The following PLXDC2 variants were observed in gnomAD, a reference collection of about 807,000 sequenced individuals.
PLXDC2 encodes the protein plexin domain containing 2, also known as plexin domain-containing protein 2.
PLXDC2 carries 40 observed loss-of-function variants against 68.9 expected under a neutral mutation model. That is an observed-to-expected ratio of 0.58 (90% confidence interval 0.45 to 0.76). PLXDC2 has a LOEUF of 0.76. Among genes scored for constraint, PLXDC2 ranks in the 30% least tolerant of loss-of-function variants. The pLI is 0.00. For missense variants in PLXDC2, 644 were observed against 661.9 expected (o/e 0.97, Z 0.30); for synonymous variants, 243 against 234.2 (o/e 1.04, Z -0.34).
chr10:20,134,096 G>T (rs1422597849), intron 4 of PLXDC2, among the ~76,000 whole-genome samples: 1 of 151,892 alleles, frequency 6.6e-6, no homozygotes, highest in Non-Finnish European at 1.5e-5. Context: ...TAAACTTCTT[G>T]TTTTATTCAT....
chr10:20,194,994 C>G (rs1055665071), intron 9 of PLXDC2, among the ~76,000 whole-genome samples: 1 of 151,814 alleles, frequency 6.6e-6, no homozygotes, highest in African/African-American at 2.4e-5. Flanking sequence ...GCTCATAGTG[C>G]TTACCTGAAA....
rs373824250 is a variant in PLXDC2, at chr10:19,992,012, C to A, written c.113-9763C>A. ...ATTAGCCCAATATAGGAAACAAGAG[C>A]AGTTTGAGATGACTAAAGATGAATA... On this transcript the variant is annotated intron_variant, in intron 1 of 13. Transcript: ENST00000377252. Among the ~76,000 whole-genome samples, 3 of 152,130 alleles carry A rather than the reference C, an allele frequency of 2.0e-5. No homozygotes were observed. The East Asian group carries it at 5.8e-4, about 29-fold the overall frequency.
intron 1 of PLXDC2, among the ~76,000 whole-genome samples, chr10:19,851,473 T>C (rs1233106675): frequency 2.0e-5 from 3 of 152,090 alleles, no homozygotes; most frequent in Non-Finnish European, 2.9e-5. Context: ...GAAGCTGTCT[T>C]TGACGGGGCA....
chr10:20,033,511 A>G lies in PLXDC2; in HGVS notation c.325-13358A>G, dbSNP rs182016062. Among the ~76,000 whole-genome samples the G allele has an allele frequency of 2.0e-5, 3 of 152,324 alleles. No homozygotes were observed. The East Asian group carries it at 5.8e-4, about 29-fold the overall frequency. Reference sequence around the variant, plus strand: ...ACATACCCAAAACTGGGTAATTCATAAAGGAAAGAGTTCCACATGGCTGAG... The same window carrying G: ...ACATACCCAAAACTGGGTAATTCATGAAGGAAAGAGTTCCACATGGCTGAG... On this transcript the variant is annotated intron_variant, in intron 2 of 13. Transcript: ENST00000377252.
At chr10:19,872,381 T>A (rs1210268696) in intron 1 of PLXDC2, among the ~76,000 whole-genome samples, 1 of 152,176 alleles carries the variant, frequency 6.6e-6, no homozygotes. Context: ...TAGGTCAAAA[T>A]TGGCAAATGT....
chr10:20,094,391 A>G (rs540668981), intron 4 of PLXDC2, among the ~76,000 whole-genome samples: 4 of 152,300 alleles, frequency 2.6e-5, no homozygotes, highest in Non-Finnish European at 5.9e-5. Flanking sequence ...AGTTTTCACT[A>G]ATACACAACC....
At chr10:19,924,073 T>A (rs1833502019) in intron 1 of PLXDC2, among the ~76,000 whole-genome samples, 1 of 152,048 alleles carries the variant, frequency 6.6e-6, no homozygotes, top group Non-Finnish European at 1.5e-5. Flanking sequence ...TTCCCGGAAG[T>A]CCCAACCGGC....
chr10:19,980,059 A>G (rs1480217090), intron 1 of PLXDC2, among the ~76,000 whole-genome samples: 1 of 152,256 alleles, frequency 6.6e-6, no homozygotes, highest in Non-Finnish European at 1.5e-5. Context: ...TTTGATTTTC[A>G]TAGAGCCTCT....
At chr10:20,064,434 A>G (rs909930455) in intron 3 of PLXDC2, among the ~76,000 whole-genome samples, 2 of 151,864 alleles carry the variant, frequency 1.3e-5, no homozygotes, top group African/African-American at 4.8e-5. Context: ...GTTAGCCAGG[A>G]TGGTCTCGAT....
intron 1 of PLXDC2, among the ~76,000 whole-genome samples, chr10:19,818,410 A>G (rs1836399111): frequency 6.6e-6 from 1 of 151,988 alleles, no homozygotes; most frequent in Non-Finnish European, 1.5e-5. Flanking sequence ...CTTGAGTGAA[A>G]TTTACCAAGC....
intron 1 of PLXDC2, among the ~76,000 whole-genome samples, chr10:19,825,974 C>T (rs1836561871): frequency 6.6e-6 from 1 of 152,182 alleles, no homozygotes. Context: ...TCTTCTCCTT[C>T]TCCTTTTGCT....
chr10:19,947,707 C>CTTTTTTTTTTTTTTTTTTCTTTTTTT (rs34439585), intron 1 of PLXDC2, among the ~76,000 whole-genome samples: 1 of 120,974 alleles, frequency 8.3e-6, no homozygotes, highest in Non-Finnish European at 1.7e-5. Context: ...TTCTTTCTTT[C>CTTTTTTTTTTTTTTTTTTCTTTTTTT]TTTTTTTTTT....
rs113724217 is a variant in PLXDC2, at chr10:20,203,619, AT to A, written c.1062-8039del. ...AGCCACCGTGCCCAGCCCAATACGA[AT>A]TTTTTTTTTTAAGTGAGATGACAGA... On this transcript the variant is annotated intron_variant, in intron 9 of 13. Transcript: ENST00000377252. Among the ~76,000 whole-genome samples the A allele has an allele frequency of 1.7e-3, 257 of 148,076 alleles. 3 individuals carry two copies. Among genetic ancestry groups the A allele is most frequent in the South Asian group, 9.0e-3 (42 of 4,670 alleles).
chr10:20,256,863 AT>A (rs1374624714), intron 13 of PLXDC2, among the ~76,000 whole-genome samples: 5 of 152,164 alleles, frequency 3.3e-5, no homozygotes, highest in Non-Finnish European at 7.3e-5. Flanking sequence ...TGTAATTGTG[AT>A]TGTCAATTCA....
chr10:20,071,231 T>C (rs1177775194), intron 4 of PLXDC2: 1 of 152,170 alleles, frequency 6.6e-6, no homozygotes, highest in Non-Finnish European at 1.5e-5. Context: ...TTCATTTCAT[T>C]CAATCAGTGT....
chr10:20,148,016 C>T (rs1453054361), intron 6 of PLXDC2, 114 bp downstream of exon 6: 3 of 744,806 alleles, frequency 4.0e-6, no homozygotes, highest in Admixed American at 2.6e-5. Context: ...CATTTTCTTG[C>T]CTCTTGGTTT....
intron 5 of PLXDC2, among the ~76,000 whole-genome samples, chr10:20,147,017 T>A (rs12244420): frequency 0.96 from 145,271 of 151,702 alleles, 69,600 homozygotes; most frequent in East Asian, 0.99. Context: ...TCTTTTTTTT[T>A]AAAAAAAGAG....
chr10:19,930,025 G>A (rs548016376), intron 1 of PLXDC2, among the ~76,000 whole-genome samples: 2 of 150,292 alleles, frequency 1.3e-5, no homozygotes, highest in East Asian at 4.0e-4. Context: ...GAAGAGCATA[G>A]ATGCTCATTT....
intron 4 of PLXDC2, among the ~76,000 whole-genome samples, chr10:20,083,909 T>TC (rs1164751969): frequency 6.6e-6 from 1 of 152,232 alleles, no homozygotes; most frequent in Non-Finnish European, 1.5e-5. Flanking sequence ...AAAAAGATTT[T>TC]CATGATTCTT....
Sources: gnomAD v4.1 joint callset for allele counts (sites outside exome capture counted in the v4.1 genomes callset) on GRCh38, gnomAD v4.1.1 for gene constraint, MANE v1.5 for transcripts, NCBI Gene and HGNC (gene_info 2026-07-23, HGNC 2026-07-21) for gene names.